The following UBE2H variants were observed in gnomAD, a reference collection of about 807,000 sequenced individuals.
The protein encoded by UBE2H is ubiquitin-conjugating enzyme E2 H.
UBE2H carries 3 observed loss-of-function variants against 29.0 expected under a neutral mutation model. The ratio of observed to expected loss-of-function variants is 0.10; its 90% CI spans 0.05 to 0.27. The LOEUF (loss-of-function observed/expected upper bound fraction) is 0.27, where lower values mean the gene tolerates loss of function less well. Ranked by LOEUF, UBE2H falls within the 10% of genes least tolerant of loss-of-function variation. UBE2H has a pLI of 1.00. For synonymous variants in UBE2H, 69 were observed against 82.9 expected (o/e 0.83, Z 0.91); for missense variants, 68 against 228.2 (o/e 0.30, Z 4.52).
chr7:129,869,360 A>G (rs1046001576), intron 3 of UBE2H, among the ~76,000 whole-genome samples: 2 of 152,016 alleles, frequency 1.3e-5, no homozygotes, highest in African/African-American at 4.8e-5. Context: ...ACAAATTTAG[A>G]CATCTCCTAT....
chr7:129,872,909 A>C (rs1291514699), intron 3 of UBE2H, among the ~76,000 whole-genome samples: 1 of 150,558 alleles, frequency 6.6e-6, no homozygotes, highest in African/African-American at 2.4e-5. Flanking sequence ...TATATGCCAG[A>C]CTGGGAGATT....
At chr7:129,893,221 T>A (rs781597280) in intron 1 of UBE2H, among the ~76,000 whole-genome samples, 2 of 152,190 alleles carry the variant, frequency 1.3e-5, no homozygotes, top group Non-Finnish European at 2.9e-5. Context: ...TTCTCTAGTG[T>A]TATGCTTCAT....
intron 1 of UBE2H, among the ~76,000 whole-genome samples, chr7:129,900,373 C>T (rs1050295714): frequency 6.6e-6 from 1 of 152,104 alleles, no homozygotes; most frequent in Non-Finnish European, 1.5e-5. Context: ...TAGAGTTTAC[C>T]CTTGACTACT....
At chr7:129,916,259 G>T (rs971950869) in intron 1 of UBE2H, among the ~76,000 whole-genome samples, 8 of 151,974 alleles carry the variant, frequency 5.3e-5, no homozygotes, top group African/African-American at 1.9e-4. Flanking sequence ...GATTCAAGGG[G>T]TATCTAAGAA....
intron 5 of UBE2H, among the ~76,000 whole-genome samples, chr7:129,843,404 A>G (rs931585667): frequency 6.6e-6 from 1 of 152,170 alleles, no homozygotes; most frequent in African/African-American, 2.4e-5. Context: ...ATTTCACTAC[A>G]GTCAATGAGG....
At chr7:129,892,251 A>C (rs1288146383) in intron 1 of UBE2H, among the ~76,000 whole-genome samples, 1 of 136,324 alleles carries the variant, frequency 7.3e-6, no homozygotes, top group Non-Finnish European at 1.6e-5. Flanking sequence ...ACCCGGCCTC[A>C]ACCTTTCTTT....
rs1485253444 is a variant in UBE2H, at chr7:129,833,214, T to C, written c.*1723A>G. 1 of 152,586 alleles carries C rather than the reference T, an allele frequency of 6.6e-6. No individual in the cohort carries two copies. Among genetic ancestry groups the C allele is most frequent in the African/African-American group, 2.4e-5 (1 of 41,438 alleles). 9.5% of individuals were successfully genotyped at this position (152,586 alleles called of 1,614,324 possible). ...TGCTAAAAGCAAGTTGTACTTTATA[T>C]AGATTTTCAAACAAAAGATTGATTG... On this transcript the variant is annotated 3_prime_UTR_variant, in exon 7 of 7. Transcript: ENST00000355621.
At chr7:129,937,967 C>A (rs1474549751) in intron 1 of UBE2H, among the ~76,000 whole-genome samples, 1 of 151,988 alleles carries the variant, frequency 6.6e-6, no homozygotes, top group African/African-American at 2.4e-5. Flanking sequence ...ATATTGTGTT[C>A]AATGTTTTAG....
chr7:129,846,346 A>AAATAATAATAATGAT, intron 5 of UBE2H, among the ~76,000 whole-genome samples: 1 of 146,392 alleles, frequency 6.8e-6, no homozygotes, highest in Middle Eastern at 3.4e-3. Context: ...GGTCTCTACA[A>AAATAATAATAATGAT]AATAATAATA....
chr7:129,858,774 A>T (rs1351908537), intron 4 of UBE2H, 128 bp downstream of exon 4: 2 of 772,170 alleles, frequency 2.6e-6, no homozygotes, highest in Non-Finnish European at 4.2e-6. Context: ...TATCATTTAC[A>T]TGACCATTCA....
intron 1 of UBE2H, among the ~76,000 whole-genome samples, chr7:129,902,257 G>A (rs1563040366): frequency 6.6e-6 from 1 of 152,174 alleles, no homozygotes; most frequent in Non-Finnish European, 1.5e-5. Flanking sequence ...TCAGCACTTT[G>A]GGAGGCCGAG....
chr7:129,893,999 ACAAAAATGAG>A (rs1806551368), intron 1 of UBE2H, among the ~76,000 whole-genome samples: 1 of 152,152 alleles, frequency 6.6e-6, no homozygotes, highest in Admixed American at 6.5e-5. Context: ...TACTAAAAAT[ACAAAAATGAG>A]CAGGGCATGG....
intron 5 of UBE2H, among the ~76,000 whole-genome samples, chr7:129,855,418 A>AT (rs753305853): frequency 6.6e-6 from 1 of 152,210 alleles, no homozygotes; most frequent in African/African-American, 2.4e-5. Context: ...GCCATGAGAC[A>AT]TTTTTACCAA....
chr7:129,846,533 G>A (rs1805515162), intron 5 of UBE2H, among the ~76,000 whole-genome samples: 2 of 148,642 alleles, frequency 1.3e-5, no homozygotes, highest in Non-Finnish European at 1.5e-5. Context: ...ATACCAGCCT[G>A]GGTGACAAAG....
intron 1 of UBE2H, among the ~76,000 whole-genome samples, chr7:129,903,549 G>A (rs1806758765): frequency 6.6e-6 from 1 of 152,144 alleles, no homozygotes; most frequent in South Asian, 2.1e-4. Context: ...AACCACTTGA[G>A]GCCAGGAGTT....
At chr7:129,944,101 A>T (rs1007570148) in intron 1 of UBE2H, among the ~76,000 whole-genome samples, 1 of 151,920 alleles carries the variant, frequency 6.6e-6, no homozygotes. Context: ...TCATGCCTGT[A>T]ATCCCAGCAC....
rs778513307 is a variant in UBE2H at position 129,952,566 on chromosome 7, C to A, written c.-11G>T. 1 of 1,610,324 alleles carries A rather than the reference C, an allele frequency of 6.2e-7. No homozygotes were observed. ...ACTGGGAGATGACATGGTGTCGCCG[C>A]CGCCTCTCTCCCTTCCTCGGCCCGT... On this transcript the variant is annotated 5_prime_UTR_variant, in exon 1 of 7. Transcript: ENST00000355621.
intron 5 of UBE2H, among the ~76,000 whole-genome samples, chr7:129,852,977 T>G (rs1181695339): frequency 1.3e-5 from 2 of 152,154 alleles, no homozygotes; most frequent in Admixed American, 1.3e-4. Flanking sequence ...CCGCCTGCCT[T>G]GTCCTCCCAA....
rs116763757 is a variant in UBE2H, at chr7:129,881,268, T to C, written c.54-297A>G. On this transcript the variant is annotated intron_variant, in intron 1 of 6. Coordinates refer to ENST00000355621, the MANE Select transcript of UBE2H (RefSeq NM_003344.4). Reference sequence around the variant, plus strand: ...TGAGTCTTTGTTTTCTCTTTGCAAATTGGGAAAACAGCATTTCATAGGATT... The same window carrying C: ...TGAGTCTTTGTTTTCTCTTTGCAAACTGGGAAAACAGCATTTCATAGGATT... Among the ~76,000 whole-genome samples the C allele has an allele frequency of 8.0e-3, 1,224 of 152,246 alleles. 16 individuals carry two copies. Among genetic ancestry groups the C allele is most frequent in the African/African-American group, 0.028 (1,154 of 41,540 alleles).
Sources: gnomAD v4.1 joint callset for allele counts (sites outside exome capture counted in the v4.1 genomes callset) on GRCh38, gnomAD v4.1.1 for gene constraint, MANE v1.5 for transcripts, NCBI Gene and HGNC (gene_info 2026-07-23, HGNC 2026-07-21) for gene names.